SMC2: variants seen among roughly 807,000 people sequenced by gnomAD.
SMC2 encodes structural maintenance of chromosomes 2, also known as structural maintenance of chromosomes protein 2.
A neutral mutation model predicts 142.6 loss-of-function variants in SMC2; 41 were observed. The ratio of observed to expected loss-of-function variants is 0.29; its 90% CI spans 0.22 to 0.37. The LOEUF (loss-of-function observed/expected upper bound fraction) is 0.37. SMC2 is among the 10% of genes least tolerant of loss of function. The pLI, the probability that SMC2 is intolerant of heterozygous loss-of-function variation, is 1.00. For synonymous variants in SMC2, 463 were observed against 457.5 expected (o/e 1.01, Z -0.15); for missense variants, 1,265 against 1,373.7 (o/e 0.92, Z 1.25).
chr9:104,134,492 A>G lies in SMC2; in HGVS notation c.3186A>G (p.Gln1062=), dbSNP rs141783932. The change falls in exon 23 of 25, where the codon CAA becomes CAG. Residue 1062 remains glutamine (Q), a synonymous_variant. Coordinates refer to ENST00000374793, the MANE Select transcript of SMC2 (RefSeq NM_006444.3). ...CTATGCTTGCACCACCAGAGGGTCA[A>G]ACTGTTTTGGATGGTCTGGAGTTCA... ...ANAMLAPPEG[Q]TVLDGLEFKV... is the part of the protein sequence containing the mutation. 4.9e-4 allele frequency: 792 copies of G among 1,612,790 alleles called. 1 individual carries two copies. The highest frequency in any genetic ancestry group is 6.4e-4 in the Non-Finnish European group (750 of 1,179,264).
At chr9:104,091,757 A>G (rs539362800), upstream of SMC2, among the ~76,000 whole-genome samples, 3 of 152,262 alleles carry the variant, frequency 2.0e-5, no homozygotes, top group South Asian at 2.1e-4. Context: ...AAAATTAGAA[A>G]AGTATACCCA....
chr9:104,116,966 A>C (rs1207997126), intron 14 of SMC2, among the ~76,000 whole-genome samples: 7 of 152,252 alleles, frequency 4.6e-5, no homozygotes, highest in Admixed American at 2.0e-4. Context: ...TTGATCAGAC[A>C]TTCCAAGTAC....
At chr9:104,122,855 A>G (rs77209757) in intron 16 of SMC2, among the ~76,000 whole-genome samples, 5,580 of 152,168 alleles carry the variant, frequency 0.037, 338 homozygotes, top group African/African-American at 0.13. Flanking sequence ...TAGCTGTTAA[A>G]TATTTCTAAT....
intron 14 of SMC2, among the ~76,000 whole-genome samples, chr9:104,117,850 A>G (rs1833300671): frequency 1.3e-5 from 2 of 152,224 alleles, no homozygotes; most frequent in South Asian, 4.1e-4. Flanking sequence ...TACTATAATT[A>G]AAGTTGTGTC....
At chr9:104,104,344 CAG>C (rs1338630654) in intron 9 of SMC2, among the ~76,000 whole-genome samples, 1 of 152,130 alleles carries the variant, frequency 6.6e-6, no homozygotes, top group African/African-American at 2.4e-5. Context: ...CAAGGGAAAA[CAG>C]AAGTCTAGGA....
chr9:104,118,128 A>G lies in SMC2; in HGVS notation c.1792-43A>G, dbSNP rs41277745. The G allele has an allele frequency of 3.0e-3, 4,393 of 1,466,100 alleles. 12 individuals are homozygous for G. The highest frequency in any genetic ancestry group is 3.4e-3 in the Non-Finnish European group (3,563 of 1,061,494). The allele number at this position is 1,466,100 out of a possible 1,614,324, so 90.8% of individuals were successfully genotyped here. Reference sequence around the variant, plus strand: ...TTTATAAAATCATATCTGAAAGGAAAAGTAGTAGTATGTACTGTGGCATAT... The same window carrying G: ...TTTATAAAATCATATCTGAAAGGAAGAGTAGTAGTATGTACTGTGGCATAT... On this transcript the variant is annotated intron_variant, in intron 14 of 24. Transcript: ENST00000374793.
At chr9:104,129,134 A>T (rs1228936692) in intron 20 of SMC2, among the ~76,000 whole-genome samples, 1 of 152,160 alleles carries the variant, frequency 6.6e-6, no homozygotes, top group Admixed American at 6.5e-5. Flanking sequence ...TTTGCTATAC[A>T]GTGTCTTGTT....
chr9:104,102,154 TAATC>T lies in SMC2; in HGVS notation c.833_836del (p.Asn278MetfsTer3). 6.3e-7 allele frequency: 1 copy of T among 1,575,286 alleles called. No individual in the cohort carries two copies. The highest frequency in any genetic ancestry group is 8.7e-7 in the Non-Finnish European group (1 of 1,148,634). On this transcript the variant is annotated frameshift_variant, in exon 8 of 25. Coordinates refer to ENST00000374793, the MANE Select transcript of SMC2 (RefSeq NM_006444.3). LOFTEE classifies it high-confidence loss of function. ...AGAATGATAAAAAAATAAAAGCACT[TAATC>T]ATGAAATAGAAGAATTGGAAAAAAG...
intron 9 of SMC2, among the ~76,000 whole-genome samples, chr9:104,103,608 G>A (rs1400428499): frequency 6.6e-6 from 1 of 152,204 alleles, no homozygotes; most frequent in African/African-American, 2.4e-5. Context: ...GTCATCCATG[G>A]TAACAGAAGA....
At chr9:104,094,728 C>G (rs960537023) in intron 1 of SMC2, 23 of 300,584 alleles carry the variant, frequency 7.7e-5, no homozygotes, top group African/African-American at 4.6e-4. Context: ...ATATGAGATA[C>G]ATCTCATCTC....
upstream of SMC2, among the ~76,000 whole-genome samples, chr9:104,091,223 G>A (rs1999153): frequency 0.85 from 129,190 of 152,258 alleles, 54,900 homozygotes; most frequent in East Asian, 0.95. Context: ...CAAACATCAT[G>A]AAGTATACTT....
At chr9:104,088,980 TA>T in the SMC2 span, among the ~76,000 whole-genome samples, 26,687 of 146,528 alleles carry the variant, frequency 0.18, 2,621 homozygotes, top group African/African-American at 0.27. Context: ...TCACAACAGT[TA>T]AAAAAAAAAA....
intron 18 of SMC2, among the ~76,000 whole-genome samples, chr9:104,126,222 C>T (rs185712358): frequency 1.2e-4 from 18 of 152,100 alleles, no homozygotes; most frequent in African/African-American, 3.4e-4. Flanking sequence ...ATCTGGTCCT[C>T]GGTGCCAAAA....
chr9:104,093,441 T>C (rs1019430056), upstream of SMC2, among the ~76,000 whole-genome samples: 2 of 152,206 alleles, frequency 1.3e-5, no homozygotes, highest in Non-Finnish European at 2.9e-5. Context: ...TTTAACCTTT[T>C]ACTTGGTCTC....
chr9:104,095,977 G>A (rs1459532920), intron 2 of SMC2, among the ~76,000 whole-genome samples, 171 bp from the exon 3 acceptor site: 1 of 152,194 alleles, frequency 6.6e-6, no homozygotes, highest in Non-Finnish European at 1.5e-5. Flanking sequence ...GTCCATTGCA[G>A]GTTGTTGCCT....
chr9:104,098,922 T>A (rs189393098), intron 4 of SMC2, among the ~76,000 whole-genome samples: 2 of 152,256 alleles, frequency 1.3e-5, no homozygotes, highest in Admixed American at 1.3e-4. Context: ...TGAGTAATTT[T>A]CTTAGAGACT....
At chr9:104,097,611 G>A (rs60336233) in intron 3 of SMC2, among the ~76,000 whole-genome samples, 3,557 of 151,152 alleles carry the variant, frequency 0.024, 145 homozygotes, top group African/African-American at 0.082. Flanking sequence ...CTGTCACTAA[G>A]TCTCTTACTA....
chr9:104,107,446 C>T (rs1014769745), intron 9 of SMC2, among the ~76,000 whole-genome samples: 2 of 152,186 alleles, frequency 1.3e-5, no homozygotes, highest in Non-Finnish European at 2.9e-5. Context: ...ATCAGGCTAA[C>T]AGACTGTAAA....
upstream of SMC2, chr9:104,092,948 T>C (rs1303453361): frequency 6.6e-6 from 1 of 152,158 alleles, no homozygotes; most frequent in Non-Finnish European, 1.5e-5. Context: ...TTAAGGTCCT[T>C]ATAAAATAGG....
Sources: gnomAD v4.1 joint callset for allele counts (sites outside exome capture counted in the v4.1 genomes callset) on GRCh38, gnomAD v4.1.1 for gene constraint, MANE v1.5 for transcripts, NCBI Gene and HGNC (gene_info 2026-07-23, HGNC 2026-07-21) for gene names.